Variants in PDE9A observed in about 807,000 individuals in gnomAD.
PDE9A encodes high affinity cGMP-specific 3',5'-cyclic phosphodiesterase 9A.
In PDE9A, 60 loss-of-function variants were observed where a neutral mutation model predicts 87.4. The observed-to-expected ratio is 0.69, with a 90% CI of 0.56 to 0.85. The LOEUF (loss-of-function observed/expected upper bound fraction) is 0.85, where lower values mean the gene tolerates loss of function less well. Among genes scored for constraint, PDE9A ranks in the 40% least tolerant of loss-of-function variants. The pLI, the probability that PDE9A is intolerant of heterozygous loss-of-function variation, is 0.00. For missense variants in PDE9A, 665 were observed against 779.0 expected (o/e 0.85, Z 1.74); for synonymous variants, 272 against 279.4 (o/e 0.97, Z 0.27).
At chr21:42,751,511 G>C (rs969838508) in intron 9 of PDE9A, among the ~76,000 whole-genome samples, 1 of 152,164 alleles carries the variant, frequency 6.6e-6, no homozygotes, top group Non-Finnish European at 1.5e-5. Flanking sequence ...GAACTTTAAC[G>C]TTTAACTGAA....
chr21:42,759,591 G>T lies in PDE9A; in HGVS notation c.897+506G>T, dbSNP rs1342229228. 6.6e-6 allele frequency among the ~76,000 whole-genome samples: 1 copy of T among 151,510 alleles called. No homozygotes were observed. The highest frequency in any genetic ancestry group is 2.4e-5 in the African/African-American group (1 of 41,206). On this transcript the variant is annotated intron_variant, in intron 11 of 19. Coordinates refer to ENST00000291539, the MANE Select transcript of PDE9A (RefSeq NM_002606.3). This position sits in a 1 kb window ranked among gnomAD's most constrained non-coding sequence, Gnocchi z 7.2. ...TGGGGGTATCTGAGTTTACGGGTGG[G>T]TGTGTGTGAATGTGTGGTGGGAGTG... is the stretch of plus-strand genomic sequence containing the variant.
At chr21:42,737,700 G>C (rs556618898) in intron 7 of PDE9A, among the ~76,000 whole-genome samples, 12 of 152,168 alleles carry the variant, frequency 7.9e-5, no homozygotes, top group Non-Finnish European at 1.0e-4. Context: ...TCAGGTGATC[G>C]ACCCGCCTCG....
At chr21:42,731,356 C>A (rs1022456577) in intron 4 of PDE9A, among the ~76,000 whole-genome samples, 1 of 151,800 alleles carries the variant, frequency 6.6e-6, no homozygotes, top group Non-Finnish European at 1.5e-5. Flanking sequence ...TGTGGGCTCT[C>A]GGTGTTCTGG....
At chr21:42,724,741 A>G (rs1174840225) in intron 4 of PDE9A, 2 of 278,156 alleles carry the variant, frequency 7.2e-6, no homozygotes, top group Non-Finnish European at 1.1e-5. Flanking sequence ...TGGGTGGCGC[A>G]TTGGCCGAGG....
At chr21:42,668,013 G>A (rs1350274564) in intron 1 of PDE9A, among the ~76,000 whole-genome samples, 1 of 152,120 alleles carries the variant, frequency 6.6e-6, no homozygotes, top group East Asian at 1.9e-4. Context: ...GGAGAGAGGG[G>A]TGCACAAAAA....
chr21:42,720,450 T>C (rs979476060), intron 4 of PDE9A, among the ~76,000 whole-genome samples: 1 of 151,342 alleles, frequency 6.6e-6, no homozygotes, highest in African/African-American at 2.4e-5. Context: ...GCCGAGATCA[T>C]GCCATTGCAC....
intron 4 of PDE9A, among the ~76,000 whole-genome samples, chr21:42,710,906 T>G (rs976362416): frequency 6.6e-6 from 1 of 152,200 alleles, no homozygotes; most frequent in Non-Finnish European, 1.5e-5. Flanking sequence ...GAGAATCGCT[T>G]GAACCCAGGA....
At chr21:42,670,331 CACATTCACAT>C (rs999514941) in intron 1 of PDE9A, among the ~76,000 whole-genome samples, 4 of 104,298 alleles carry the variant, frequency 3.8e-5, no homozygotes, top group Non-Finnish European at 8.1e-5. Context: ...CACATTCACA[CACATTCACAT>C]ACATTTACAC....
chr21:42,666,931 C>G (rs2145899399), intron 1 of PDE9A, among the ~76,000 whole-genome samples: 1 of 152,322 alleles, frequency 6.6e-6, no homozygotes, highest in African/African-American at 2.4e-5. Flanking sequence ...AGCATCGCAG[C>G]CCAAAAGGTT....
In PDE9A at chr21:42,670,473, CTT is replaced by C. The variant is rs569055182; in HGVS notation, c.70-15718_70-15717del. On this transcript the variant is annotated intron_variant, in intron 1 of 19. Transcript: ENST00000291539. ...ACAGTCACACAGACTTGCACATAGA[CTT>C]ACACACATACACTTACACACGCACT... Among the ~76,000 whole-genome samples the C allele has an allele frequency of 3.0e-3, 450 of 151,916 alleles. 2 individuals carry two copies. The highest frequency in any genetic ancestry group is 9.6e-3 in the African/African-American group (397 of 41,436).
Position 42,692,846 on chromosome 21 carries a change from G to A in PDE9A, c.218+4852G>A, listed in dbSNP as rs567518271. On this transcript the variant is annotated intron_variant, in intron 3 of 19. Transcript: ENST00000291539. This position sits in a 1 kb window ranked among gnomAD's most constrained non-coding sequence, Gnocchi z 4.3. ...GCGGCCATCCTCAGAGATGTGCTTCGGGGCCCGCACGCCTTGCTCCTCGCA... is the reference window on the plus strand; with the variant it reads ...GCGGCCATCCTCAGAGATGTGCTTCAGGGCCCGCACGCCTTGCTCCTCGCA... Among the ~76,000 whole-genome samples the A allele has an allele frequency of 6.6e-6, 1 of 152,170 alleles. No homozygotes were observed. The highest frequency in any genetic ancestry group is 1.9e-4 in the East Asian group (1 of 5,170).
At chr21:42,749,646 A>G (rs535955905) in intron 8 of PDE9A, among the ~76,000 whole-genome samples, 3 of 152,342 alleles carry the variant, frequency 2.0e-5, no homozygotes, top group South Asian at 4.1e-4. Context: ...CTAACATTAC[A>G]TGTAACAGGG....
chr21:42,695,730 G>GA lies in PDE9A; in HGVS notation c.219-3233dup, dbSNP rs1159853847. ...TTAGAGCCCAGGCAGTTAGATCTTA[G>GA]AAAAAGACAAATACAGTAGAAGCTG... On this transcript the variant is annotated intron_variant, in intron 3 of 19. Transcript: ENST00000291539. This position sits in a 1 kb window ranked among gnomAD's most constrained non-coding sequence, Gnocchi z 4.3. 6.6e-6 allele frequency among the ~76,000 whole-genome samples: 1 copy of GA among 152,206 alleles called. No homozygotes were observed. The highest frequency in any genetic ancestry group is 2.4e-5 in the African/African-American group (1 of 41,446).
chr21:42,708,909 C>T (rs1223401775), intron 4 of PDE9A, among the ~76,000 whole-genome samples: 1 of 152,096 alleles, frequency 6.6e-6, no homozygotes, highest in Non-Finnish European at 1.5e-5. Context: ...CAGGAATCAC[C>T]ACCCAAACCA....
At chr21:42,655,981 G>C (rs984032560) in intron 1 of PDE9A, among the ~76,000 whole-genome samples, 1 of 152,172 alleles carries the variant, frequency 6.6e-6, no homozygotes, top group Non-Finnish European at 1.5e-5. Context: ...ATAACTTCTC[G>C]CTCACCTCCC....
intron 1 of PDE9A, among the ~76,000 whole-genome samples, chr21:42,674,365 G>C (rs1194483654): frequency 6.7e-6 from 1 of 149,380 alleles, no homozygotes; most frequent in Non-Finnish European, 1.5e-5. Context: ...GCCCAGGCTG[G>C]GGTACAGTGG....
intron 4 of PDE9A, among the ~76,000 whole-genome samples, chr21:42,700,038 G>T (rs538779116): frequency 1.3e-5 from 2 of 152,120 alleles, no homozygotes; most frequent in East Asian, 3.9e-4. Context: ...CCTCCAGTGT[G>T]TCTCAGTCCA....
At chr21:42,709,399 C>T (rs2049110034) in intron 4 of PDE9A, among the ~76,000 whole-genome samples, 3 of 152,282 alleles carry the variant, frequency 2.0e-5, no homozygotes. Flanking sequence ...ACCACCATGA[C>T]ACACGTTTAC....
chr21:42,759,229 G>A lies in PDE9A; in HGVS notation c.897+144G>A, dbSNP rs956201234. The A allele has an allele frequency of 7.7e-6, 5 of 648,874 alleles. No individual in the cohort carries two copies. The highest frequency in any genetic ancestry group is 1.8e-5 in the African/African-American group (1 of 55,808). 40.2% of individuals were successfully genotyped at this position (648,874 alleles called of 1,614,324 possible). A position where few individuals can be genotyped will look rare whatever the true frequency, so the allele number is the denominator to read the frequency against. On this transcript the variant is annotated intron_variant, in intron 11 of 19. Coordinates refer to ENST00000291539, the MANE Select transcript of PDE9A (RefSeq NM_002606.3). The surrounding 1 kb of genome is among the most constrained non-coding windows in gnomAD (Gnocchi z 7.2). ...GAGGTGACATTTCCCCGGGAGTTCTGTGAGGACACTCAGCCTGTCTCTGTT... is the reference window on the plus strand; with the variant it reads ...GAGGTGACATTTCCCCGGGAGTTCTATGAGGACACTCAGCCTGTCTCTGTT...
Sources: allele counts gnomAD v4.1 joint callset (sites outside exome capture counted in the v4.1 genomes callset), GRCh38; gene constraint gnomAD v4.1.1; non-coding constraint Gnocchi (gnomAD v3.1); transcripts MANE v1.5; gene names NCBI Gene and HGNC (gene_info 2026-07-23, HGNC 2026-07-21).